PALLD: variants seen among roughly 807,000 people sequenced by gnomAD.
The protein encoded by PALLD is palladin, cytoskeletal associated protein, also known as palladin.
A neutral mutation model predicts 123.5 loss-of-function variants in PALLD; 61 were observed. The ratio of observed to expected loss-of-function variants is 0.49; its 90% CI spans 0.40 to 0.61. The LOEUF (loss-of-function observed/expected upper bound fraction) is 0.61, where lower values mean the gene tolerates loss of function less well. PALLD is among the 20% of genes least tolerant of loss of function. The pLI, the probability that PALLD is intolerant of heterozygous loss-of-function variation, is 0.00. For missense variants in PALLD, 1,273 were observed against 1,377.0 expected, an observed-to-expected ratio of 0.92 and a Z score of 1.20; for synonymous variants, 465 against 496.4, an observed-to-expected ratio of 0.94 and a Z score of 0.84.
chr4:168,887,823 A>G (rs77824525), intron 10 of PALLD, among the ~76,000 whole-genome samples: 1 of 151,598 alleles, frequency 6.6e-6, no homozygotes. Flanking sequence ...TTGACTGAGG[A>G]AGGGAGGGGA....
chr4:168,611,358 T>C (rs1470438628), intron 2 of PALLD, among the ~76,000 whole-genome samples: 4 of 152,194 alleles, frequency 2.6e-5, no homozygotes, highest in Admixed American at 2.6e-4. Flanking sequence ...AATCACTCTC[T>C]GCTGAACTGA....
intron 10 of PALLD, among the ~76,000 whole-genome samples, chr4:168,846,730 TA>T (rs756603153): frequency 2.0e-5 from 3 of 152,080 alleles, no homozygotes; most frequent in Non-Finnish European, 4.4e-5. Context: ...TCCGAAGAAT[TA>T]AAGGGCTTTC....
chr4:168,772,881 GAA>G (rs1734641058), intron 10 of PALLD, among the ~76,000 whole-genome samples: 1 of 152,204 alleles, frequency 6.6e-6, no homozygotes, highest in South Asian at 2.1e-4. Context: ...AATGAAAAGA[GAA>G]AGAGGGAAAG....
chr4:168,563,895 G>A (rs916162556), intron 2 of PALLD, among the ~76,000 whole-genome samples: 3 of 152,200 alleles, frequency 2.0e-5, no homozygotes, highest in Admixed American at 6.5e-5. Flanking sequence ...TGGGGTACAA[G>A]TGTAATTTTG....
intron 10 of PALLD, among the ~76,000 whole-genome samples, chr4:168,741,455 T>C (rs931359395): frequency 3.3e-5 from 5 of 151,956 alleles, no homozygotes; most frequent in Non-Finnish European, 5.9e-5. Context: ...GGTAGGAGGA[T>C]TGCCTGAGGC....
chr4:168,650,684 TTATAGCA>T (rs1343837776), intron 2 of PALLD, among the ~76,000 whole-genome samples: 3 of 152,172 alleles, frequency 2.0e-5, no homozygotes, highest in Non-Finnish European at 4.4e-5. Flanking sequence ...CCCACATTGG[TTATAGCA>T]ATTTTCAATA....
chr4:168,692,140 G>T (rs4613531), intron 8 of PALLD, among the ~76,000 whole-genome samples: 28 of 152,100 alleles, frequency 1.8e-4, no homozygotes, highest in African/African-American at 6.8e-4. Context: ...ATGTGTCTTA[G>T]GAGCCATGAC....
At chr4:168,596,861 C>A (rs1311340880) in intron 2 of PALLD, among the ~76,000 whole-genome samples, 2 of 151,996 alleles carry the variant, frequency 1.3e-5, no homozygotes, top group East Asian at 3.9e-4. Context: ...CTGTGCTTAT[C>A]TCATTTAACC....
chr4:168,524,594 T>C (rs971310230), intron 2 of PALLD, among the ~76,000 whole-genome samples: 3 of 152,094 alleles, frequency 2.0e-5, no homozygotes, highest in Non-Finnish European at 4.4e-5. Flanking sequence ...CATTAACGAA[T>C]CTGTACATTT....
chr4:168,596,543 G>T (rs1771995380), intron 2 of PALLD, among the ~76,000 whole-genome samples: 1 of 152,028 alleles, frequency 6.6e-6, no homozygotes, highest in Non-Finnish European at 1.5e-5. Flanking sequence ...CTGGAGAAAT[G>T]ACTTTTGGAC....
At chr4:168,734,055 T>C (rs1787480421) in intron 10 of PALLD, among the ~76,000 whole-genome samples, 1 of 152,160 alleles carries the variant, frequency 6.6e-6, no homozygotes, top group African/African-American at 2.4e-5. Flanking sequence ...TTTTAAGTAG[T>C]AACATGATTG....
chr4:168,755,212 G>C (rs1047268497), intron 10 of PALLD, among the ~76,000 whole-genome samples: 2 of 146,192 alleles, frequency 1.4e-5, no homozygotes, highest in Admixed American at 6.9e-5. Flanking sequence ...CAGCCTGGGC[G>C]AGAGAGCAAG....
intron 10 of PALLD, chr4:168,832,051 C>CCGG: frequency 1.0e-6 from 1 of 985,402 alleles, no homozygotes; most frequent in East Asian, 1.1e-4. Flanking sequence ...CCTGAGTCAC[C>CCGG]CGGCGGGCGA....
intron 2 of PALLD, among the ~76,000 whole-genome samples, chr4:168,658,285 G>GTTTTTTTTTTTT (rs66527351): frequency 6.1e-5 from 8 of 131,646 alleles, no homozygotes; most frequent in East Asian, 2.1e-4. Flanking sequence ...TTTTTATTTG[G>GTTTTTTTTTTTT]TTTTTTTTTT....
intron 2 of PALLD, among the ~76,000 whole-genome samples, chr4:168,541,599 C>G (rs1024784311): frequency 6.6e-6 from 1 of 152,040 alleles, no homozygotes; most frequent in African/African-American, 2.4e-5. Context: ...TACAGGCGCT[C>G]GCCACCACAC....
chr4:168,554,633 G>A (rs1002674706), intron 2 of PALLD, among the ~76,000 whole-genome samples: 4 of 152,110 alleles, frequency 2.6e-5, no homozygotes, highest in Non-Finnish European at 5.9e-5. Flanking sequence ...GGCTAAGTAC[G>A]CTCTTAATTT....
At chr4:168,592,745 T>A (rs1274836133) in intron 2 of PALLD, among the ~76,000 whole-genome samples, 1 of 151,644 alleles carries the variant, frequency 6.6e-6, no homozygotes, top group African/African-American at 2.4e-5. Flanking sequence ...AAAAAAAAGC[T>A]CATCTTCATC....
At chr4:168,594,113 A>G (rs1771734488) in intron 2 of PALLD, among the ~76,000 whole-genome samples, 1 of 152,194 alleles carries the variant, frequency 6.6e-6, no homozygotes, top group Non-Finnish European at 1.5e-5. Flanking sequence ...TAGAGGTTAT[A>G]TATAAAGGAG....
intron 3 of PALLD, among the ~76,000 whole-genome samples, chr4:168,673,668 G>A (rs1308898798): frequency 4.6e-5 from 7 of 152,292 alleles, no homozygotes; most frequent in East Asian, 1.9e-4. Flanking sequence ...AGGATATGGC[G>A]GAGATGAGGG....
Sources: gnomAD v4.1 joint callset for allele counts (sites outside exome capture counted in the v4.1 genomes callset) on GRCh38, gnomAD v4.1.1 for gene constraint, MANE v1.5 for transcripts, NCBI Gene and HGNC (gene_info 2026-07-23, HGNC 2026-07-21) for gene names.